Variants in UBE2G2 observed in about 807,000 individuals in gnomAD.
UBE2G2 encodes ubiquitin conjugating enzyme E2 G2.
Under a neutral mutation model 23.0 loss-of-function variants are expected in UBE2G2, and 10 were observed. The observed-to-expected ratio is 0.43, with a 90% CI of 0.27 to 0.74. The LOEUF (loss-of-function observed/expected upper bound fraction) is 0.74, where lower values mean the gene tolerates loss of function less well. UBE2G2 is among the 30% of genes least tolerant of loss of function. The pLI is 0.19. For missense variants in UBE2G2, 150 were observed against 218.3 expected (o/e 0.69, Z 1.97); for synonymous variants, 86 against 81.3 (o/e 1.06, Z -0.31).
At chr21:44,774,640 AGTG>A in intron 4 of UBE2G2, 1 of 438,984 alleles carries the variant, frequency 2.3e-6, no homozygotes, top group South Asian at 1.6e-5. Flanking sequence ...GTGAACGTTC[AGTG>A]GTGAACGCTC....
At chr21:44,783,202 A>G (rs2082969472) in intron 3 of UBE2G2, among the ~76,000 whole-genome samples, 1 of 152,240 alleles carries the variant, frequency 6.6e-6, no homozygotes, top group South Asian at 2.1e-4. Context: ...AGGAAATCCA[A>G]GTCAAATCTG....
intron 1 of UBE2G2, among the ~76,000 whole-genome samples, chr21:44,796,229 C>A (rs782630761): frequency 6.6e-6 from 1 of 152,202 alleles, no homozygotes; most frequent in Non-Finnish European, 1.5e-5. Flanking sequence ...TCCTGGCTCT[C>A]CTTTTTTCCT....
chr21:44,787,960 TG>T lies in UBE2G2; in HGVS notation c.84del (p.Met29Ter), dbSNP rs782210695. The T allele has an allele frequency of 1.2e-6, 2 of 1,613,980 alleles. No homozygotes were observed. Among genetic ancestry groups the T allele is most frequent in the Non-Finnish European group, 1.7e-6 (2 of 1,179,972 alleles). On this transcript the variant is annotated frameshift_variant, in exon 3 of 6. Coordinates refer to ENST00000345496, the MANE Select transcript of UBE2G2 (RefSeq NM_003343.6). LOFTEE classifies it high-confidence loss of function. ...LNPPEGIVAG[P>X]MNEENFFEWE... ...CATTCAAAAAAGTTCTCTTCATTCA[TG>T]GGGCCTGTAGGGTGAGAAAAAATTT...
At chr21:44,784,830 G>A (rs1555961770) in intron 3 of UBE2G2, among the ~76,000 whole-genome samples, 1 of 152,190 alleles carries the variant, frequency 6.6e-6, no homozygotes, top group Admixed American at 6.5e-5. Context: ...GGTCTGGGGA[G>A]GTGACAGCAG....
chr21:44,775,900 G>A (rs913570375), intron 4 of UBE2G2, among the ~76,000 whole-genome samples: 6 of 152,276 alleles, frequency 3.9e-5, no homozygotes, highest in South Asian at 2.1e-4. Flanking sequence ...TAACTCAGGC[G>A]CATGGCCAGT....
intron 1 of UBE2G2, among the ~76,000 whole-genome samples, chr21:44,798,332 G>A (rs1335550827): frequency 6.6e-6 from 1 of 152,156 alleles, no homozygotes; most frequent in African/African-American, 2.4e-5. Flanking sequence ...GGCAGGAGTG[G>A]CTGTGGTAGT....
Position 44,781,424 on chromosome 21 carries a change from C to T in UBE2G2, c.126-4007G>A, listed in dbSNP as rs548130470. Among the ~76,000 whole-genome samples the T allele has an allele frequency of 5.6e-4, 86 of 152,310 alleles. 1 individual carries two copies. The highest frequency in any genetic ancestry group is 2.0e-3 in the African/African-American group (83 of 41,564). ...TGCCGATGTTCCCACCCCACTAATG[C>T]CCAGGACAGCAGGACCAAGGTGGGC... On this transcript the variant is annotated intron_variant, in intron 3 of 5. Transcript: ENST00000345496.
rs922701732 is a variant in UBE2G2 at position 44,797,738 on chromosome 21, A to G, written c.43+3968T>C. On this transcript the variant is annotated intron_variant, in intron 1 of 5. Coordinates refer to ENST00000345496, the MANE Select transcript of UBE2G2 (RefSeq NM_003343.6). The stretch of plus-strand genomic sequence containing the variant: ...TCAAAAAAAAAAAAAAAAAAAAAAA[A>G]AAAGAGAAAATACCTGCTCACAGTC... 6.2e-4 allele frequency among the ~76,000 whole-genome samples: 93 copies of G among 149,452 alleles called. 3 individuals carry two copies. Among genetic ancestry groups the G allele is most frequent in the African/African-American group, 2.2e-3 (89 of 39,996 alleles).
intron 3 of UBE2G2, among the ~76,000 whole-genome samples, chr21:44,787,568 A>G (rs1444003177): frequency 6.6e-6 from 1 of 152,182 alleles, no homozygotes; most frequent in Non-Finnish European, 1.5e-5. Flanking sequence ...AAAATTTCAC[A>G]CCTGAAGGGG....
Position 44,773,623 on chromosome 21 carries a change from G to A in UBE2G2, c.309C>T (p.Tyr103=), listed in dbSNP as rs782757636. 19 of 1,612,560 alleles carry A rather than the reference G, an allele frequency of 1.2e-5. No individual in the cohort carries two copies. Among genetic ancestry groups the A allele is most frequent in the Admixed American group, 3.3e-5 (2 of 60,018 alleles). The change falls in exon 5 of 6, where the codon TAC becomes TAT. Residue 103 remains tyrosine (Y), a synonymous_variant. Coordinates refer to ENST00000345496, the MANE Select transcript of UBE2G2 (RefSeq NM_003343.6). ...GACTCCACCGCTCCGCGCTGCTCTC[G>A]TAGCCCATGGGGTCATCGCCTGGCG... ...LHAPGDDPMG[Y]ESSAERWSPV... is the part of the protein sequence containing the mutation.
At position 44,773,572 on chromosome 21, in the gene UBE2G2, C is replaced by T; in HGVS notation, c.360G>A (p.Leu120=). ...CTGCCAGCATGCTCACCACCGACAG[C>T]AGGATCTTCTCCACACTCTGCACAG... ...WSPVQSVEKI[L]LSVVSMLAEP... Residue 120 remains leucine (L), a synonymous_variant, in exon 5 of 6, where the codon CTG becomes CTA. Transcript: ENST00000345496. The T allele has an allele frequency of 6.2e-7, 1 of 1,610,470 alleles. No homozygotes were observed. Among genetic ancestry groups the T allele is most frequent in the Non-Finnish European group, 8.5e-7 (1 of 1,179,888 alleles).
intron 1 of UBE2G2, among the ~76,000 whole-genome samples, chr21:44,795,358 G>A (rs186536519): frequency 1.3e-5 from 2 of 152,280 alleles, no homozygotes; most frequent in Non-Finnish European, 1.5e-5. Flanking sequence ...CTGGAAGGGC[G>A]CAGTGGCTCG....
In UBE2G2 at chr21:44,771,223, T is replaced by G. The variant is rs2082871310; in HGVS notation, c.*154A>C. The G allele has an allele frequency of 1.6e-6, 1 of 638,708 alleles. No homozygotes were observed. The highest frequency in any genetic ancestry group is 2.7e-6 in the Non-Finnish European group (1 of 372,226). 39.6% of individuals were successfully genotyped at this position (638,708 alleles called of 1,614,324 possible). A position where few individuals can be genotyped will look rare whatever the true frequency, so the allele number is the denominator to read the frequency against. On this transcript the variant is annotated 3_prime_UTR_variant, in exon 6 of 6. Coordinates refer to ENST00000345496, the MANE Select transcript of UBE2G2 (RefSeq NM_003343.6). This position sits in a 1 kb window ranked among gnomAD's most constrained non-coding sequence, Gnocchi z 4.6. ...CATCATTTCAGAAGAGAAGCCTGTT[T>G]GAAGTAGGAAAGGTTTGAAAAAAAA... is the stretch of plus-strand genomic sequence containing the variant.
chr21:44,779,439 G>A (rs576170037), intron 3 of UBE2G2, among the ~76,000 whole-genome samples: 1 of 152,200 alleles, frequency 6.6e-6, no homozygotes, highest in African/African-American at 2.4e-5. Context: ...GCCACCGAGG[G>A]AGGCACGAGC....
chr21:44,776,124 G>T lies in UBE2G2; in HGVS notation c.244+1175C>A, dbSNP rs188177822. Among the ~76,000 whole-genome samples, 1,191 of 152,174 alleles carry T rather than the reference G, an allele frequency of 7.8e-3. 7 individuals carry two copies. Among genetic ancestry groups the T allele is most frequent in the Middle Eastern group, 0.02 (6 of 294 alleles). ...TTCCACCAGTGAAGTGGCCGGGGGT[G>T]GGGGGGTAGTCCTGAAAACCCCTAT... On this transcript the variant is annotated intron_variant, in intron 4 of 5. Coordinates refer to ENST00000345496, the MANE Select transcript of UBE2G2 (RefSeq NM_003343.6).
chr21:44,798,202 T>C (rs1285638504), intron 1 of UBE2G2, among the ~76,000 whole-genome samples: 2 of 152,368 alleles, frequency 1.3e-5, no homozygotes, highest in African/African-American at 4.8e-5. Flanking sequence ...ATATGCTTAA[T>C]TTTTATTGCT....
At chr21:44,777,089 T>C (rs1178794857) in intron 4 of UBE2G2, 1 of 482,476 alleles carries the variant, frequency 2.1e-6, no homozygotes, top group Non-Finnish European at 3.6e-6. Flanking sequence ...TTTAGGTGCC[T>C]GTTGTCTTTT....
intron 1 of UBE2G2, among the ~76,000 whole-genome samples, chr21:44,789,835 C>T (rs1555962721): frequency 6.6e-6 from 1 of 152,016 alleles, no homozygotes; most frequent in African/African-American, 2.4e-5. Context: ...GAGATTAGGT[C>T]AGGAGGGCAG....
At chr21:44,801,440 G>A in intron 1 of UBE2G2, 1 of 1,211,838 alleles carries the variant, frequency 8.3e-7, no homozygotes, top group Non-Finnish European at 1.0e-6. Flanking sequence ...AAACAAGCCC[G>A]CAAAGACTCA....
Sources: gnomAD v4.1 joint callset for allele counts (sites outside exome capture counted in the v4.1 genomes callset) on GRCh38, gnomAD v4.1.1 for gene constraint, Gnocchi (gnomAD v3.1) non-coding constraint, MANE v1.5 for transcripts, NCBI Gene and HGNC (gene_info 2026-07-23, HGNC 2026-07-21) for gene names.